The following ICE2 variants were observed in gnomAD, a reference collection of about 807,000 sequenced individuals.
ICE2 encodes little elongation complex subunit 2.
ICE2 carries 87 observed loss-of-function variants against 105.4 expected under a neutral mutation model. That is an observed-to-expected ratio of 0.83 (90% CI 0.69 to 0.99). The LOEUF (loss-of-function observed/expected upper bound fraction) is 0.99, where lower values mean the gene tolerates loss of function less well. ICE2 is among the 50% of genes least tolerant of loss of function. The pLI, the probability that ICE2 is intolerant of heterozygous loss-of-function variation, is 0.00. For synonymous variants in ICE2, 399 were observed against 392.0 expected (o/e 1.02, Z -0.21); for missense variants, 1,323 against 1,146.7 (o/e 1.15, Z -2.22).
chr15:60,432,083 C>T, intron 13 of ICE2, 99 bp from the exon 14 acceptor site: 1 of 548,658 alleles, frequency 1.8e-6, no homozygotes, highest in South Asian at 2.2e-5. Flanking sequence ...ATAACAACAA[C>T]AAAAACAGCG....
intron 5 of ICE2, among the ~76,000 whole-genome samples, chr15:60,460,105 C>G (rs2064232824): frequency 6.6e-6 from 1 of 152,110 alleles, no homozygotes; most frequent in South Asian, 2.1e-4. Flanking sequence ...ATGTAAAGAA[C>G]CCATGATCTC....
chr15:60,463,914 T>G (rs938686652), intron 5 of ICE2, among the ~76,000 whole-genome samples: 1 of 152,232 alleles, frequency 6.6e-6, no homozygotes, highest in African/African-American at 2.4e-5. Flanking sequence ...GAATGTTATT[T>G]ATTATACAAG....
At chr15:60,438,449 A>G (rs1197836180) in intron 12 of ICE2, 4 of 152,154 alleles carry the variant, frequency 2.6e-5, no homozygotes, top group Non-Finnish European at 4.4e-5. Context: ...CACCAAATTC[A>G]TTTGTACCCA....
chr15:60,446,841 A>T lies in ICE2; in HGVS notation c.2295+1129T>A, dbSNP rs547615603. On this transcript the variant is annotated intron_variant, in intron 11 of 15. Transcript: ENST00000261520. ...GATGATTCTTATTGGGCAGTGGGTT[A>T]GATAACAAGAGACAGAGACACCAAA... 1.2e-4 allele frequency among the ~76,000 whole-genome samples: 19 copies of T among 152,362 alleles called. 1 individual carries two copies. In the South Asian group the frequency reaches 3.9e-3, roughly 32 times the overall value.
Position 60,442,492 on chromosome 15 carries a change from A to T in ICE2, c.2349T>A (p.Val783=), listed in dbSNP as rs144096660. ...AAAGTTCACTTTCAGTCAGAGCTTC[A>T]ACTCCATAACAAGCTTGATACTCTA... ...PKVEYQACYG[V]EALTESELCR... is the part of the protein sequence containing the mutation. The change falls in exon 12 of 16, where the codon GTT becomes GTA. Residue 783 remains valine, a synonymous_variant. Coordinates refer to ENST00000261520, the MANE Select transcript of ICE2 (RefSeq NM_024611.6). 1.7e-4 allele frequency: 277 copies of T among 1,598,286 alleles called. No homozygotes were observed. Among genetic ancestry groups the T allele is most frequent in the Non-Finnish European group, 3.7e-5 (43 of 1,176,584 alleles).
At position 60,448,050 on chromosome 15, in the gene ICE2, C is replaced by A; in HGVS notation, c.2215G>T (p.Asp739Tyr). The change falls in exon 11 of 16, where the codon GAC becomes TAC. Residue 739 changes from aspartate to tyrosine, a missense_variant. Physicochemically the swap from Asp to Tyr is radical, Grantham distance 160. Transcript: ENST00000261520. ...CTGCAGCGTACGAGTAACAACAGGT[C>A]TTGCAGGCTAAATAACTTATAAACA... ...NFVYKLFSLQ[D>Y]LLLLVRCSVQ... 1 of 1,613,862 alleles carries A rather than the reference C, an allele frequency of 6.2e-7. No individual in the cohort carries two copies. Among genetic ancestry groups the A allele is most frequent in the Non-Finnish European group, 8.5e-7 (1 of 1,179,788 alleles).
At chr15:60,448,567 A>G (rs1269960022) in intron 10 of ICE2, among the ~76,000 whole-genome samples, 1 of 152,234 alleles carries the variant, frequency 6.6e-6, no homozygotes, top group African/African-American at 2.4e-5. Context: ...TTCTGGATGC[A>G]CTTACCCTTC....
rs2063239825 is a variant in ICE2 at position 60,421,206 on chromosome 15, A to ATT, written c.*2427_*2428insAA. ...CTTGCTAGCCCTAAGTCTGATTTAA[A>ATT]AAAAAAAAAAAAACTTGCTCATTTT... On this transcript the variant is annotated 3_prime_UTR_variant, in exon 16 of 16. Transcript: ENST00000261520. 6.7e-6 allele frequency: 1 copy of ATT among 148,258 alleles called. No homozygotes were observed. Among genetic ancestry groups the ATT allele is most frequent in the African/African-American group, 2.5e-5 (1 of 40,690 alleles). The allele number at this position is 148,258 out of a possible 1,614,324, so 9.2% of individuals were successfully genotyped here. A position where few individuals can be genotyped will look rare whatever the true frequency, so the allele number is the denominator to read the frequency against.
In ICE2 at chr15:60,479,079, C is replaced by T. The variant is rs974900490; in HGVS notation, c.-169G>A. ...CTCCACCCCACTCCTCACATTGTCG[C>T]GCGCGCCCAAAAAAGACCATATTTA... On this transcript the variant is annotated 5_prime_UTR_variant, in exon 1 of 16. Transcript: ENST00000261520. 8.9e-6 allele frequency: 4 copies of T among 450,452 alleles called. No individual in the cohort carries two copies. The highest frequency in any genetic ancestry group is 3.1e-5 in the South Asian group (2 of 64,252). The allele number at this position is 450,452 out of a possible 1,614,324, so 27.9% of individuals were successfully genotyped here. A position where few individuals can be genotyped will look rare whatever the true frequency, so the allele number is the denominator to read the frequency against.
In ICE2 at chr15:60,438,245, C is replaced by G. The variant is rs145520692; in HGVS notation, c.2426-2018G>C. On this transcript the variant is annotated intron_variant, in intron 12 of 15. Transcript: ENST00000261520. ...ATATAAGACGTATCAATGTTGAAGA[C>G]AAATTGTTTTTATTTTTTTAACTCC... is the stretch of plus-strand genomic sequence containing the variant. 260 of 152,220 alleles carry G rather than the reference C, an allele frequency of 1.7e-3. 4 individuals carry two copies. The highest frequency in any genetic ancestry group is 6.1e-3 in the African/African-American group (252 of 41,526). The allele number at this position is 152,220 out of a possible 1,614,324, so 9.4% of individuals were successfully genotyped here.
chr15:60,463,692 C>T (rs2064342133), intron 5 of ICE2, among the ~76,000 whole-genome samples: 1 of 152,188 alleles, frequency 6.6e-6, no homozygotes, highest in African/African-American at 2.4e-5. Flanking sequence ...ACAGCTTGAA[C>T]CCTGGAGGCA....
Position 60,449,856 on chromosome 15 carries a change from T to C in ICE2, c.1126-15A>G, listed in dbSNP as rs755342165. On this transcript the variant is annotated splice_polypyrimidine_tract_variant and intron_variant, in intron 9 of 15. Coordinates refer to ENST00000261520, the MANE Select transcript of ICE2 (RefSeq NM_024611.6). Reference sequence around the variant, plus strand: ...TCACAGGACATCTTATGTAAATAAATTGGTAAAGTATTAGTAAAAATTTCA... The same window carrying C: ...TCACAGGACATCTTATGTAAATAAACTGGTAAAGTATTAGTAAAAATTTCA... The C allele has an allele frequency of 2.3e-5, 36 of 1,589,788 alleles. No individual in the cohort carries two copies. Among genetic ancestry groups the C allele is most frequent in the East Asian group, 4.5e-5 (2 of 44,780 alleles).
chr15:60,471,548 T>C (rs143763875), intron 3 of ICE2, among the ~76,000 whole-genome samples: 1 of 152,310 alleles, frequency 6.6e-6, no homozygotes, highest in Admixed American at 6.5e-5. Context: ...ACTAGGAATG[T>C]CAAGAAATTC....
At position 60,449,040 on chromosome 15, in the gene ICE2, C is replaced by A; in HGVS notation, c.1927G>T (p.Asp643Tyr). The change falls in exon 10 of 16, where the codon GAT (aspartate) becomes TAT (tyrosine). Residue 643 changes from aspartate (D) to tyrosine (Y), a missense_variant. Physicochemically the swap from Asp to Tyr is radical, Grantham distance 160. Coordinates refer to ENST00000261520, the MANE Select transcript of ICE2 (RefSeq NM_024611.6). The part of the protein sequence containing the change: ...KPIKRVYKKF[D>Y]PVGEILKMQD... ...ATTTTTAAAATCTCTCCAACTGGAT[C>A]AAATTTTTTATATACTCGTTTGATA... is the stretch of plus-strand genomic sequence containing the variant. The A allele has an allele frequency of 6.2e-7, 1 of 1,613,314 alleles. No individual in the cohort carries two copies. Among genetic ancestry groups the A allele is most frequent in the South Asian group, 1.1e-5 (1 of 90,970 alleles).
chr15:60,450,053 C>A (rs1206244704), intron 9 of ICE2, among the ~76,000 whole-genome samples: 1 of 152,148 alleles, frequency 6.6e-6, no homozygotes, highest in South Asian at 2.1e-4. Flanking sequence ...TGATAACAGG[C>A]AAATTTGCCA....
intron 11 of ICE2, chr15:60,445,699 G>A (rs1484559512): frequency 1.0e-6 from 1 of 984,972 alleles, no homozygotes; most frequent in African/African-American, 1.7e-5. Context: ...TTACCAAGCT[G>A]TCTTGTTCAA....
chr15:60,448,066 C>T lies in ICE2; in HGVS notation c.2199G>A (p.Lys733=), dbSNP rs1317492921. 1 of 1,613,720 alleles carries T rather than the reference C, an allele frequency of 6.2e-7. No homozygotes were observed. Among genetic ancestry groups the T allele is most frequent in the Admixed American group, 1.7e-5 (1 of 60,012 alleles). Residue 733 remains lysine (K), a synonymous_variant, in exon 11 of 16, where the codon AAG becomes AAA. Coordinates refer to ENST00000261520, the MANE Select transcript of ICE2 (RefSeq NM_024611.6). ...ACAACAGGTCTTGCAGGCTAAATAA[C>T]TTATAAACAAAATTTCCTTCCTGAG... ...LAPQEGNFVY[K]LFSLQDLLLL... is the part of the protein sequence containing the mutation.
At chr15:60,452,970 C>T (rs2064000828) in intron 9 of ICE2, 24 of 984,916 alleles carry the variant, frequency 2.4e-5, no homozygotes, top group Middle Eastern at 5.2e-4. Flanking sequence ...GTGGCTGACG[C>T]CTGTAATCCC....
intron 4 of ICE2, 101 bp downstream of exon 4, chr15:60,467,959 TA>T (rs1463321672): frequency 7.4e-5 from 82 of 1,105,310 alleles, no homozygotes; most frequent in Non-Finnish European, 8.7e-5. Flanking sequence ...TTTTCCATTT[TA>T]AAAAAAATGA....
Sources: allele counts gnomAD v4.1 joint callset (sites outside exome capture counted in the v4.1 genomes callset), GRCh38; gene constraint gnomAD v4.1.1; transcripts MANE v1.5; gene names NCBI Gene and HGNC (gene_info 2026-07-23, HGNC 2026-07-21).